Variants in DLC1 observed in about 807,000 individuals in gnomAD.
The protein encoded by DLC1 is rho GTPase-activating protein 7.
DLC1 carries 54 observed loss-of-function variants against 140.3 expected under a neutral mutation model. The ratio of observed to expected loss-of-function variants is 0.38; its 90% CI spans 0.31 to 0.48. The LOEUF is 0.48. DLC1 is among the 20% of genes least tolerant of loss of function. The pLI, the probability that DLC1 is intolerant of heterozygous loss-of-function variation, is 0.96. For synonymous variants in DLC1, 986 were observed against 728.1 expected, an observed-to-expected ratio of 1.35 and a Z score of -5.70; for missense variants, 2,536 against 1,907.0, an observed-to-expected ratio of 1.33 and a Z score of -6.14.
At chr8:13,262,023 CA>C (rs1359423538) in intron 5 of DLC1, among the ~76,000 whole-genome samples, 1 of 152,038 alleles carries the variant, frequency 6.6e-6, no homozygotes, top group Non-Finnish European at 1.5e-5. Context: ...TTCTGAGTCT[CA>C]AAAAAATCAG....
chr8:13,455,168 A>G (rs886359188), intron 2 of DLC1, among the ~76,000 whole-genome samples: 7 of 152,352 alleles, frequency 4.6e-5, no homozygotes, highest in Admixed American at 4.6e-4. Flanking sequence ...ATTAAAGCAA[A>G]TATTACAAAT....
In DLC1 at chr8:13,243,575, AATG is replaced by A. The variant is rs556512402; in HGVS notation, c.1348+61691_1348+61693del. Among the ~76,000 whole-genome samples the A allele has an allele frequency of 9.8e-5, 15 of 152,350 alleles. No homozygotes were observed. In the South Asian group the frequency reaches 1.5e-3, roughly 15 times the overall value. Reference sequence around the variant, plus strand: ...GAAAGGGTTTGTTAACAATAGGAACAATGATGAAGACTTGCATGACACTAACAG... The same window carrying A: ...GAAAGGGTTTGTTAACAATAGGAACAATGAAGACTTGCATGACACTAACAG... On this transcript the variant is annotated intron_variant, in intron 5 of 17. Coordinates refer to ENST00000276297, the MANE Select transcript of DLC1 (RefSeq NM_182643.3).
intron 7 of DLC1, among the ~76,000 whole-genome samples, chr8:13,104,579 T>C (rs1819396924): frequency 6.6e-6 from 1 of 152,208 alleles, no homozygotes; most frequent in African/African-American, 2.4e-5. Flanking sequence ...TTCCTACGAA[T>C]TGCAATTCTA....
intron 1 of DLC1, among the ~76,000 whole-genome samples, chr8:13,537,648 CTTTTTT>C (rs3066420): frequency 2.2e-5 from 2 of 90,346 alleles, no homozygotes; most frequent in Non-Finnish European, 4.1e-5. Context: ...ACAGCTAACT[CTTTTTT>C]TTTTTTTTTT....
At chr8:13,209,472 T>C (rs2117101219) in intron 5 of DLC1, among the ~76,000 whole-genome samples, 1 of 152,212 alleles carries the variant, frequency 6.6e-6, no homozygotes, top group African/African-American at 2.4e-5. Context: ...AAATTAAAGC[T>C]TATTTGAGAT....
Position 13,545,952 on chromosome 8 carries a change from C to T in DLC1, c.-125-45756G>A, listed in dbSNP as rs1240074525. Among the ~76,000 whole-genome samples, 4 of 151,932 alleles carry T rather than the reference C, an allele frequency of 2.6e-5. No individual in the cohort carries two copies. In the South Asian group the frequency reaches 6.2e-4, roughly 24 times the overall value. On this transcript the variant is annotated intron_variant, in intron 1 of 1. Coordinates refer to the DLC1 transcript ENST00000631382. The stretch of plus-strand genomic sequence containing the variant: ...TTAAACATATTACTATTTTAAAGCC[C>T]ACTGGGATACCAGCCAAGCAGAATA...
chr8:13,524,729 G>A (rs1802868191), intron 1 of DLC1, among the ~76,000 whole-genome samples: 1 of 151,002 alleles, frequency 6.6e-6, no homozygotes, highest in Non-Finnish European at 1.5e-5. Flanking sequence ...TCATCTCTGA[G>A]CTCTTTTGCC....
intron 4 of DLC1, among the ~76,000 whole-genome samples, chr8:13,333,027 T>C (rs1833666743): frequency 6.6e-6 from 1 of 152,246 alleles, no homozygotes; most frequent in South Asian, 2.1e-4. Flanking sequence ...GGCAACACTA[T>C]GATTCTAGAA....
At chr8:13,344,932 T>G (rs1008269916) in intron 4 of DLC1, among the ~76,000 whole-genome samples, 1 of 152,220 alleles carries the variant, frequency 6.6e-6, no homozygotes, top group Non-Finnish European at 1.5e-5. Context: ...ATTGTTTGAT[T>G]ATTTAATCAA....
In DLC1 at chr8:13,526,902, C is replaced by T. The variant is rs143363862; in HGVS notation, c.-125-26706G>A. Among the ~76,000 whole-genome samples the T allele has an allele frequency of 8.4e-3, 1,272 of 152,182 alleles. 25 individuals are homozygous for T. The highest frequency in any genetic ancestry group is 0.029 in the African/African-American group (1,223 of 41,494). On this transcript the variant is annotated intron_variant, in intron 1 of 1. Coordinates refer to the DLC1 transcript ENST00000631382. ...AAACCTGCACGTTGTGCACATGTAC[C>T]TTAGAACTTAAAGTAAAATTTAAAA...
intron 1 of DLC1, among the ~76,000 whole-genome samples, chr8:13,604,344 C>A (rs1805978856): frequency 6.6e-6 from 1 of 152,140 alleles, no homozygotes; most frequent in South Asian, 2.1e-4. Context: ...GACAGTGACA[C>A]TGAGCATCTC....
At chr8:13,379,248 G>T (rs535908988) in intron 4 of DLC1, among the ~76,000 whole-genome samples, 1 of 152,210 alleles carries the variant, frequency 6.6e-6, no homozygotes, top group South Asian at 2.1e-4. Context: ...GAGTCAGCCT[G>T]GCCTAATTGC....
intron 5 of DLC1, among the ~76,000 whole-genome samples, chr8:13,213,031 T>C (rs562640354): frequency 1.3e-5 from 2 of 152,322 alleles, no homozygotes; most frequent in Admixed American, 6.5e-5. Context: ...CAAAAAGAGA[T>C]GTTGAATGTA....
chr8:13,312,594 C>T (rs1196494187), intron 4 of DLC1, among the ~76,000 whole-genome samples: 3 of 151,780 alleles, frequency 2.0e-5, no homozygotes, highest in Non-Finnish European at 2.9e-5. Flanking sequence ...ATGTCTTTCT[C>T]TATGTTACTA....
chr8:13,459,288 C>G (rs146141115), intron 2 of DLC1, among the ~76,000 whole-genome samples: 159 of 152,052 alleles, frequency 1.0e-3, no homozygotes, highest in African/African-American at 3.7e-3. Flanking sequence ...TTTTCTCTTT[C>G]TCTGGGACAG....
Position 13,099,885 on chromosome 8 carries a change from A to C in DLC1, c.2452T>G (p.Phe818Val). The change falls in exon 9 of 18, where the codon TTC becomes GTC. Residue 818 changes from phenylalanine to valine, a missense_variant. Coordinates refer to ENST00000276297, the MANE Select transcript of DLC1 (RefSeq NM_182643.3). ...YIPEDHKPGT[F>V]PKALTNGSFS... is the part of the protein sequence containing the mutation. ...CTGCCATTGGTGAGAGCTTTGGGGA[A>C]AGTGCCAGGCTTGTGATCTTCAGGG... 6.2e-7 allele frequency: 1 copy of C among 1,614,152 alleles called. No homozygotes were observed. The highest frequency in any genetic ancestry group is 1.7e-5 in the Admixed American group (1 of 60,010).
intron 1 of DLC1, among the ~76,000 whole-genome samples, chr8:13,545,942 T>C (rs1012302716): frequency 4.6e-5 from 7 of 152,104 alleles, no homozygotes; most frequent in African/African-American, 1.4e-4. Flanking sequence ...CATATTACTA[T>C]TTTAAAGCCC....
intron 5 of DLC1, among the ~76,000 whole-genome samples, chr8:13,136,258 G>A (rs1822553371): frequency 6.6e-6 from 1 of 152,068 alleles, no homozygotes; most frequent in African/African-American, 2.4e-5. Flanking sequence ...GCTGAGGTTT[G>A]GGGTACGATT....
intron 5 of DLC1, among the ~76,000 whole-genome samples, chr8:13,152,543 C>T (rs1823899926): frequency 6.6e-6 from 1 of 151,998 alleles, no homozygotes; most frequent in Non-Finnish European, 1.5e-5. Context: ...GTGCTAATGC[C>T]ATTCAAATAT....
Sources: allele counts gnomAD v4.1 joint callset (sites outside exome capture counted in the v4.1 genomes callset), GRCh38; gene constraint gnomAD v4.1.1; transcripts MANE v1.5; gene names NCBI Gene and HGNC (gene_info 2026-07-23, HGNC 2026-07-21).